Variants in ROR2 observed in about 807,000 individuals in gnomAD.
The protein encoded by ROR2 is ROR family WNT receptor 2.
In ROR2, 33 loss-of-function variants were observed where a neutral mutation model predicts 74.9. That is an observed-to-expected ratio of 0.44 (90% CI 0.33 to 0.59). The LOEUF (loss-of-function observed/expected upper bound fraction) is 0.59, where lower values mean the gene tolerates loss of function less well. Among genes scored for constraint, ROR2 ranks in the 20% least tolerant of loss-of-function variants. The probability of loss-of-function intolerance (pLI) is 0.02; values close to 1 mark genes in which losing one functional copy is unlikely to be tolerated. For synonymous variants in ROR2, 586 were observed against 558.7 expected (o/e 1.05, Z -0.69); for missense variants, 1,216 against 1,313.8 (o/e 0.93, Z 1.15).
intron 1 of ROR2, among the ~76,000 whole-genome samples, chr9:91,844,553 C>A (rs1828869792): frequency 6.6e-6 from 1 of 152,232 alleles, no homozygotes; most frequent in Non-Finnish European, 1.5e-5. Context: ...CAGTCCACAG[C>A]AAATCTGAAA....
In ROR2 at chr9:91,950,007, G is replaced by C. The variant is rs991133932; in HGVS notation, c.-44C>G. 6.4e-6 allele frequency: 7 copies of C among 1,090,774 alleles called. No homozygotes were observed. Among genetic ancestry groups the C allele is most frequent in the Non-Finnish European group, 7.3e-6 (6 of 823,780 alleles). The allele number at this position is 1,090,774 out of a possible 1,614,324, so 67.6% of individuals were successfully genotyped here. On this transcript the variant is annotated 5_prime_UTR_variant, in exon 1 of 9. Transcript: ENST00000375708. ...CGGGAAGCCCTCAGAGCTTCGGGCC[G>C]GGGCGCGGGGTCGGGCGCCACCACC...
intron 1 of ROR2, among the ~76,000 whole-genome samples, chr9:91,789,246 TA>T (rs1272227572): frequency 1.3e-5 from 2 of 152,128 alleles, no homozygotes; most frequent in Admixed American, 1.3e-4. Context: ...CAATTTTACA[TA>T]AAAATTAAAT....
chr9:91,872,270 G>T (rs1011115634), intron 1 of ROR2, among the ~76,000 whole-genome samples: 9 of 152,060 alleles, frequency 5.9e-5, no homozygotes, highest in Non-Finnish European at 1.3e-4. Context: ...TCAGATTGTG[G>T]CCACTCATGT....
chr9:91,871,831 G>T (rs554709271), intron 1 of ROR2, among the ~76,000 whole-genome samples: 1 of 152,120 alleles, frequency 6.6e-6, no homozygotes, highest in Non-Finnish European at 1.5e-5. Flanking sequence ...GGGTTCTTGG[G>T]TCGAGAGACC....
chr9:91,844,206 AT>A (rs1265736699), intron 1 of ROR2, among the ~76,000 whole-genome samples: 2 of 152,136 alleles, frequency 1.3e-5, no homozygotes, highest in Admixed American at 6.5e-5. Context: ...TAAAGTGATT[AT>A]TTTGATTTAA....
At chr9:91,945,289 TCCAC>T (rs1831986030) in intron 1 of ROR2, among the ~76,000 whole-genome samples, 1 of 152,192 alleles carries the variant, frequency 6.6e-6, no homozygotes, top group African/African-American at 2.4e-5. Flanking sequence ...GCTACTATAT[TCCAC>T]AGCACAAGCC....
chr9:91,819,730 G>GT, intron 1 of ROR2, among the ~76,000 whole-genome samples: 1 of 151,042 alleles, frequency 6.6e-6, no homozygotes, highest in Non-Finnish European at 1.5e-5. Flanking sequence ...TTTTGAGTAT[G>GT]TATCTGTGTG....
At chr9:91,949,797 G>A in intron 1 of ROR2, 70 bp downstream of exon 1, 1 of 991,062 alleles carries the variant, frequency 1.0e-6, no homozygotes, top group Middle Eastern at 2.4e-4. Context: ...GGAGCATAGT[G>A]GCGGCGGAAG....
intron 1 of ROR2, among the ~76,000 whole-genome samples, chr9:91,836,898 T>A (rs1240125902): frequency 6.6e-6 from 1 of 152,264 alleles, no homozygotes; most frequent in Non-Finnish European, 1.5e-5. Context: ...GTCTGTCTGC[T>A]ATATTCCACT....
chr9:91,909,847 G>GTTTTTTGTTT (rs1564032282), intron 1 of ROR2, among the ~76,000 whole-genome samples: 95 of 53,570 alleles, frequency 1.8e-3, no homozygotes, highest in Non-Finnish European at 2.5e-3. Flanking sequence ...GGTTTGTTTT[G>GTTTTTTGTTT]TTTTTTTTTT....
chr9:91,770,421 C>T (rs567477746), intron 2 of ROR2, among the ~76,000 whole-genome samples: 70 of 152,296 alleles, frequency 4.6e-4, no homozygotes, highest in Non-Finnish European at 8.2e-4. Flanking sequence ...GGGCAGGGTG[C>T]CTCTCACATT....
chr9:91,732,545 T>A (rs2118694261), intron 6 of ROR2, among the ~76,000 whole-genome samples: 1 of 152,266 alleles, frequency 6.6e-6, no homozygotes, highest in East Asian at 1.9e-4. Flanking sequence ...TTTCCTTCCC[T>A]AGTGATGCCT....
At chr9:91,810,011 G>A (rs767850330) in intron 1 of ROR2, among the ~76,000 whole-genome samples, 11 of 152,224 alleles carry the variant, frequency 7.2e-5, no homozygotes, top group African/African-American at 2.7e-4. Context: ...CCCCACACAG[G>A]CTGCTCAGCG....
At chr9:91,862,610 C>T (rs1315056393) in intron 1 of ROR2, among the ~76,000 whole-genome samples, 1 of 151,878 alleles carries the variant, frequency 6.6e-6, no homozygotes, top group Non-Finnish European at 1.5e-5. Flanking sequence ...TGCAGTGAGC[C>T]ATGAACACAC....
At chr9:91,818,167 T>C (rs1428220547) in intron 1 of ROR2, among the ~76,000 whole-genome samples, 1 of 152,178 alleles carries the variant, frequency 6.6e-6, no homozygotes, top group Non-Finnish European at 1.5e-5. Flanking sequence ...TCCAAGAACA[T>C]GGACCAACAT....
At chr9:91,912,862 C>T (rs910991349) in intron 1 of ROR2, among the ~76,000 whole-genome samples, 10 of 152,210 alleles carry the variant, frequency 6.6e-5, no homozygotes, top group South Asian at 2.1e-4. Flanking sequence ...GGCGTGTTGG[C>T]TCACGCCTGT....
intron 2 of ROR2, among the ~76,000 whole-genome samples, chr9:91,769,770 G>C (rs142902704): frequency 6.6e-6 from 1 of 152,262 alleles, no homozygotes; most frequent in African/African-American, 2.4e-5. Flanking sequence ...CCTCCCTCCA[G>C]TACCTTCATG....
intron 1 of ROR2, among the ~76,000 whole-genome samples, chr9:91,844,605 G>A (rs1828871175): frequency 6.6e-6 from 1 of 152,146 alleles, no homozygotes; most frequent in African/African-American, 2.4e-5. Context: ...CAGCGGCTGG[G>A]GCTGAACTTG....
chr9:91,865,188 A>G (rs1829591657), intron 1 of ROR2, among the ~76,000 whole-genome samples: 1 of 152,212 alleles, frequency 6.6e-6, no homozygotes, highest in Non-Finnish European at 1.5e-5. Flanking sequence ...TTCACAGGAC[A>G]ACAAAGAAAG....
Sources: allele counts gnomAD v4.1 joint callset (sites outside exome capture counted in the v4.1 genomes callset), GRCh38; gene constraint gnomAD v4.1.1; transcripts MANE v1.5; gene names NCBI Gene and HGNC (gene_info 2026-07-23, HGNC 2026-07-21).